EPAS1: variants seen among roughly 807,000 people sequenced by gnomAD.
EPAS1 encodes the protein endothelial PAS domain protein 1.
Under a neutral mutation model 87.9 loss-of-function variants are expected in EPAS1, and 23 were observed. The observed-to-expected ratio is 0.26, with a 90% CI of 0.19 to 0.37. The LOEUF (loss-of-function observed/expected upper bound fraction) is 0.37. EPAS1 is among the 10% of genes least tolerant of loss of function. The pLI is 1.00. For synonymous variants in EPAS1, 508 were observed against 444.3 expected (o/e 1.14, Z -1.80); for missense variants, 1,138 against 1,120.7 (o/e 1.02, Z -0.22).
chr2:46,348,808 A>G (rs921250199), intron 2 of EPAS1, among the ~76,000 whole-genome samples: 10 of 152,234 alleles, frequency 6.6e-5, no homozygotes, highest in Admixed American at 3.3e-4. Flanking sequence ...GAAATTTGAA[A>G]TGGTCCAATG....
intron 1 of EPAS1, among the ~76,000 whole-genome samples, chr2:46,333,808 C>A (rs977791323): frequency 1.3e-5 from 2 of 151,024 alleles, no homozygotes; most frequent in African/African-American, 4.9e-5. Context: ...GCGAGCTGTT[C>A]CTTGCCCCAA....
rs1572647597 is a variant in EPAS1 at position 46,378,049 on chromosome 2, A to C, written c.1405A>C (p.Thr469Pro). The C allele has an allele frequency of 6.2e-7, 1 of 1,605,898 alleles. No individual in the cohort carries two copies. The change falls in exon 10 of 16, where the codon ACC (threonine) becomes CCC (proline). Residue 469 changes from threonine (T) to proline (P), a missense_variant. Around this residue, in one of 4 missense-constraint regions of EPAS1, gnomAD observed 284 missense variants for 258.4 expected, o/e 1.10. Transcript: ENST00000263734. ...VPQAAAPGST[T>P]PSATSSSSSC... The stretch of plus-strand genomic sequence containing the variant: ...CCAGGCAGCTGCCCCGGGCAGCACC[A>C]CCCCCAGTGCCACCAGCAGCAGCAG...
At chr2:46,319,686 T>G (rs1438726200) in intron 1 of EPAS1, among the ~76,000 whole-genome samples, 2 of 152,194 alleles carry the variant, frequency 1.3e-5, no homozygotes, top group Non-Finnish European at 2.9e-5. Context: ...TGGTGATTCC[T>G]CTTTGTTTTG....
chr2:46,364,384 C>T (rs1471120247), intron 6 of EPAS1, among the ~76,000 whole-genome samples: 4 of 150,006 alleles, frequency 2.7e-5, no homozygotes, highest in Non-Finnish European at 4.4e-5. Context: ...CACAATCAAG[C>T]AAAAAAAGAA....
At chr2:46,379,468 C>G (rs1306132296) in intron 11 of EPAS1, among the ~76,000 whole-genome samples, 1 of 152,212 alleles carries the variant, frequency 6.6e-6, no homozygotes, top group South Asian at 2.1e-4. Flanking sequence ...TTCTATCACC[C>G]TCCCTCCTCA....
Position 46,304,971 on chromosome 2 carries a change from C to G in EPAS1, c.26+7034C>G, listed in dbSNP as rs1254072336. Among the ~76,000 whole-genome samples, 4 of 152,360 alleles carry G rather than the reference C, an allele frequency of 2.6e-5. No individual in the cohort carries two copies. The South Asian group carries it at 6.2e-4, about 24-fold the overall frequency. ...TTAACAGCCATCACACTGTTGGCCCCTGCACTGTGAACCTAGAGGGTACCT... is the reference window on the plus strand; with the variant it reads ...TTAACAGCCATCACACTGTTGGCCCGTGCACTGTGAACCTAGAGGGTACCT... On this transcript the variant is annotated intron_variant, in intron 1 of 15. Transcript: ENST00000263734.
intron 1 of EPAS1, among the ~76,000 whole-genome samples, chr2:46,319,271 G>A (rs1270685890): frequency 2.6e-5 from 4 of 152,212 alleles, no homozygotes; most frequent in Non-Finnish European, 2.9e-5. Flanking sequence ...CTCCAGTGTG[G>A]CCCATATGTA....
At chr2:46,377,869 AC>A (rs1449280636) in intron 9 of EPAS1, 24 bp from the exon 10 acceptor site, 3 of 1,551,438 alleles carry the variant, frequency 1.9e-6, no homozygotes, top group Non-Finnish European at 2.6e-6. Context: ...GTGGGTGTTC[AC>A]CTCCCAGGCC....
chr2:46,369,811 C>A lies in EPAS1; in HGVS notation c.780-16C>A. The A allele has an allele frequency of 1.2e-6, 2 of 1,602,208 alleles. No homozygotes were observed. Among genetic ancestry groups the A allele is most frequent in the African/African-American group, 1.3e-5 (1 of 74,824 alleles). On this transcript the variant is annotated splice_polypyrimidine_tract_variant and intron_variant, in intron 6 of 15. Transcript: ENST00000263734. ...ATGGTCTTTCTTCCTTACATGCTGC[C>A]TTTTTAAAAACTCAGAATCACAGAA...
rs558803583 is a variant in EPAS1, at chr2:46,306,825, T to C, written c.26+8888T>C. Among the ~76,000 whole-genome samples the C allele has an allele frequency of 1.3e-3, 202 of 152,330 alleles. 1 individual carries two copies. Among genetic ancestry groups the C allele is most frequent in the Non-Finnish European group, 2.2e-3 (148 of 68,036 alleles). On this transcript the variant is annotated intron_variant, in intron 1 of 15. Coordinates refer to ENST00000263734, the MANE Select transcript of EPAS1 (RefSeq NM_001430.5). Reference sequence around the variant, plus strand: ...AAATATATGGGGAAATGAGACACAATGTTTTTAGAGAGTGTCTAGAAATAA... The same window carrying C: ...AAATATATGGGGAAATGAGACACAACGTTTTTAGAGAGTGTCTAGAAATAA...
At chr2:46,333,748 A>G (rs1435357769) in intron 1 of EPAS1, among the ~76,000 whole-genome samples, 1 of 151,882 alleles carries the variant, frequency 6.6e-6, no homozygotes, top group East Asian at 1.9e-4. Flanking sequence ...TCATTTTAAA[A>G]TGGGGGAGCG....
intron 1 of EPAS1, among the ~76,000 whole-genome samples, chr2:46,332,371 T>C (rs183285033): frequency 6.7e-6 from 1 of 148,982 alleles, no homozygotes; most frequent in African/African-American, 2.5e-5. Flanking sequence ...GGCTGGATAA[T>C]GAAGTAAAGA....
chr2:46,320,820 C>T (rs9973625), intron 1 of EPAS1, among the ~76,000 whole-genome samples: 3 of 152,226 alleles, frequency 2.0e-5, no homozygotes, highest in South Asian at 2.1e-4. Context: ...ATTGTGTTGT[C>T]GTTTTCCTTT....
At chr2:46,329,166 AC>A (rs1168579902) in intron 1 of EPAS1, among the ~76,000 whole-genome samples, 1 of 152,030 alleles carries the variant, frequency 6.6e-6, no homozygotes, top group Non-Finnish European at 1.5e-5. Context: ...ATTTCCAGAA[AC>A]CCTTCCTGGT....
chr2:46,313,474 A>T (rs1683252335), intron 1 of EPAS1, among the ~76,000 whole-genome samples: 1 of 128,190 alleles, frequency 7.8e-6, no homozygotes, highest in African/African-American at 2.7e-5. Flanking sequence ...TATTTTTGAG[A>T]CAGTGTCTCA....
intron 14 of EPAS1, 31 bp from the exon 15 acceptor site, chr2:46,382,394 C>G: frequency 6.2e-7 from 1 of 1,613,856 alleles, no homozygotes; most frequent in South Asian, 1.1e-5. Flanking sequence ...CAGGCCAATG[C>G]TACCGTCACT....
Position 46,360,636 on chromosome 2 carries a change from A to T in EPAS1, c.455-2A>T. On this transcript the variant is annotated splice_acceptor_variant, in intron 4 of 15. Coordinates refer to ENST00000263734, the MANE Select transcript of EPAS1 (RefSeq NM_001430.5). LOFTEE classifies it high-confidence loss of function. This position sits in a 1 kb window ranked among gnomAD's most constrained non-coding sequence, Gnocchi z 4.5. ...TGGTTCTTCCCATCCTTCCACATCC[A>T]GGCTCTGGTTTTGGGAAAAAAAGCA... 6.2e-7 allele frequency: 1 copy of T among 1,613,594 alleles called. No individual in the cohort carries two copies. The highest frequency in any genetic ancestry group is 8.5e-7 in the Non-Finnish European group (1 of 1,179,640).
intron 13 of EPAS1, 57 bp downstream of exon 13, chr2:46,381,779 CTG>C: frequency 6.2e-7 from 1 of 1,609,352 alleles, no homozygotes; most frequent in South Asian, 1.1e-5. Context: ...GAACCCAGGG[CTG>C]CTGAGAGGGG....
rs1189570289 is a variant in EPAS1 at position 46,369,916 on chromosome 2, C to T, written c.869C>T (p.Thr290Ile). Residue 290 changes from threonine to isoleucine, a missense_variant, in exon 7 of 16, where the codon ACC (threonine) becomes ATC (isoleucine). Physicochemically the swap from Thr to Ile is moderately conservative, Grantham distance 89 (BLOSUM62 -1). Coordinates refer to ENST00000263734, the MANE Select transcript of EPAS1 (RefSeq NM_001430.5). The part of the protein sequence containing the change: ...FYHALDSENM[T>I]KSHQNLCTKG... ...CATGCGCTAGACTCCGAGAACATGA[C>T]CAAGAGTCACCAGAACTGTGAGTTC... 1 of 1,610,564 alleles carries T rather than the reference C, an allele frequency of 6.2e-7. No individual in the cohort carries two copies. The highest frequency in any genetic ancestry group is 1.7e-5 in the Admixed American group (1 of 59,688).
Sources: allele counts gnomAD v4.1 joint callset (sites outside exome capture counted in the v4.1 genomes callset), GRCh38; gene constraint gnomAD v4.1.1; regional missense constraint gnomAD v4.1.1; non-coding constraint Gnocchi (gnomAD v3.1); transcripts MANE v1.5; gene names NCBI Gene and HGNC (gene_info 2026-07-23, HGNC 2026-07-21).